PIK3C2A: variants seen among roughly 807,000 people sequenced by gnomAD.
The protein encoded by PIK3C2A is phosphatidylinositol-4-phosphate 3-kinase catalytic subunit type 2 alpha, also known as phosphatidylinositol 4-phosphate 3-kinase C2 domain-containing subunit alpha.
Under a neutral mutation model 204.5 loss-of-function variants are expected in PIK3C2A, and 97 were observed. The ratio of observed to expected loss-of-function variants is 0.47; its 90% CI spans 0.40 to 0.56. The LOEUF (loss-of-function observed/expected upper bound fraction) is 0.56, where lower values mean the gene tolerates loss of function less well. PIK3C2A is among the 20% of genes least tolerant of loss of function. The pLI is 0.00. For missense variants in PIK3C2A, 1,735 were observed against 1,969.2 expected (o/e 0.88, Z 2.25); for synonymous variants, 653 against 664.4 (o/e 0.98, Z 0.26).
chr11:17,192,042 G>A (rs1183424539), intron 1 of PIK3C2A, among the ~76,000 whole-genome samples: 4 of 152,120 alleles, frequency 2.6e-5, no homozygotes, highest in South Asian at 2.1e-4. Context: ...CTAGTCAGGA[G>A]GCTGAGGTGG....
intron 1 of PIK3C2A, among the ~76,000 whole-genome samples, chr11:17,196,799 T>G (rs1591025940): frequency 1.3e-5 from 2 of 152,074 alleles, no homozygotes; most frequent in Non-Finnish European, 2.9e-5. Context: ...CTCGATCTCC[T>G]GACCTCGTGA....
chr11:17,147,511 A>G lies in PIK3C2A; in HGVS notation c.1560+6T>C, dbSNP rs1205833677. On this transcript the variant is annotated splice_donor_region_variant and intron_variant, in intron 6 of 32. Coordinates refer to ENST00000691414, the MANE Select transcript of PIK3C2A (RefSeq NM_002645.4). ...AATGGAATTCAGTTATGAGGTACAC[A>G]CTTACTGTTCGGGCCAGATTTTGAC... 6.8e-7 allele frequency: 1 copy of G among 1,467,418 alleles called. No homozygotes were observed. The allele number at this position is 1,467,418 out of a possible 1,614,324, so 90.9% of individuals were successfully genotyped here. A position where few individuals can be genotyped will look rare whatever the true frequency, so the allele number is the denominator to read the frequency against.
At chr11:17,190,493 C>A (rs1212096980) in intron 1 of PIK3C2A, among the ~76,000 whole-genome samples, 1 of 151,288 alleles carries the variant, frequency 6.6e-6, no homozygotes, top group Admixed American at 6.6e-5. Context: ...ATCACTTGAA[C>A]CCAGGAGGCA....
intron 1 of PIK3C2A, among the ~76,000 whole-genome samples, chr11:17,176,503 G>A (rs1276191069): frequency 3.3e-5 from 5 of 151,918 alleles, no homozygotes; most frequent in African/African-American, 1.2e-4. Flanking sequence ...ATTATGGGCT[G>A]AGTATGGCAG....
At chr11:17,173,179 A>G (rs945254482) in intron 1 of PIK3C2A, among the ~76,000 whole-genome samples, 7 of 152,064 alleles carry the variant, frequency 4.6e-5, no homozygotes, top group African/African-American at 1.2e-4. Flanking sequence ...GTTTTTGCCT[A>G]TCAACATCTT....
At chr11:17,108,233 A>T (rs892305849) in intron 22 of PIK3C2A, among the ~76,000 whole-genome samples, 4 of 152,208 alleles carry the variant, frequency 2.6e-5, no homozygotes, top group African/African-American at 9.7e-5. Flanking sequence ...AACGAACTCA[A>T]CAAATTGAAA....
chr11:17,119,738 T>C (rs1278347689), intron 16 of PIK3C2A, 48 bp downstream of exon 16: 1 of 1,197,496 alleles, frequency 8.4e-7, no homozygotes, highest in African/African-American at 1.6e-5. Flanking sequence ...CATACCTTAC[T>C]GGAAAAACTG....
At chr11:17,109,686 C>T (rs188071095) in intron 22 of PIK3C2A, among the ~76,000 whole-genome samples, 2 of 152,274 alleles carry the variant, frequency 1.3e-5, no homozygotes. Flanking sequence ...ACCCCATCCT[C>T]CAGAGCAGCT....
Position 17,169,203 on chromosome 11 carries a change from G to A in PIK3C2A, c.539C>T (p.Pro180Leu), listed in dbSNP as rs376934220. The A allele has an allele frequency of 5.6e-5, 90 of 1,613,952 alleles. No homozygotes were observed. Among genetic ancestry groups the A allele is most frequent in the Non-Finnish European group, 7.3e-5 (86 of 1,179,984 alleles). ...ACTTAAATATATAGGTTCTGTAGAT[G>A]GAAAAGTGGGCATTCTTGGATTGAA... is the stretch of plus-strand genomic sequence containing the variant. Reference protein sequence around the residue: ...NGFNPRMPTFPSTEPIYLSLP... With the variant: ...NGFNPRMPTFLSTEPIYLSLP... The change falls in exon 2 of 33, where the codon CCA (proline) becomes CTA (leucine). Residue 180 changes from proline (P) to leucine (L), a missense_variant. By Grantham distance (98) the Pro-to-Leu change is moderately conservative. Coordinates refer to ENST00000691414, the MANE Select transcript of PIK3C2A (RefSeq NM_002645.4).
intron 1 of PIK3C2A, among the ~76,000 whole-genome samples, chr11:17,176,557 G>A (rs1263306247): frequency 6.6e-6 from 1 of 151,984 alleles, no homozygotes. Context: ...GAGAGGCCAA[G>A]GCAGGAGCAT....
intron 22 of PIK3C2A, among the ~76,000 whole-genome samples, chr11:17,106,390 C>T (rs1030525188): frequency 2.6e-5 from 4 of 151,958 alleles, no homozygotes; most frequent in Non-Finnish European, 4.4e-5. Flanking sequence ...CCAGCCTGGA[C>T]GACAGCGAGA....
intron 2 of PIK3C2A, among the ~76,000 whole-genome samples, chr11:17,157,776 A>T (rs926059559): frequency 6.6e-6 from 1 of 152,226 alleles, no homozygotes; most frequent in African/African-American, 2.4e-5. Context: ...TACCAATCAC[A>T]TATCAATCAA....
intron 22 of PIK3C2A, among the ~76,000 whole-genome samples, chr11:17,108,399 G>A (rs975484258): frequency 4.6e-5 from 7 of 152,098 alleles, no homozygotes; most frequent in African/African-American, 1.7e-4. Context: ...AGACCAGTTC[G>A]AGGCCGGCCT....
Position 17,101,260 on chromosome 11 carries a change from CT to C in PIK3C2A, c.4008+17del. The stretch of plus-strand genomic sequence containing the variant: ...GCATTAATATAAAACTAATTAAGTG[CT>C]TATAAAGAATAGTTACCAGTGAAAG... On this transcript the variant is annotated intron_variant, in intron 25 of 32. Transcript: ENST00000691414. The C allele has an allele frequency of 7.2e-7, 1 of 1,382,672 alleles. No homozygotes were observed. Among genetic ancestry groups the C allele is most frequent in the Non-Finnish European group, 9.8e-7 (1 of 1,015,854 alleles). 85.7% of individuals were successfully genotyped at this position (1,382,672 alleles called of 1,614,324 possible).
chr11:17,111,466 A>G (rs374666003), intron 21 of PIK3C2A, among the ~76,000 whole-genome samples: 2 of 152,244 alleles, frequency 1.3e-5, no homozygotes, highest in African/African-American at 2.4e-5. Flanking sequence ...TAAAACTTGA[A>G]TAAGTTTTCA....
At chr11:17,189,812 CA>C (rs759869051) in intron 1 of PIK3C2A, among the ~76,000 whole-genome samples, 6,988 of 59,712 alleles carry the variant, frequency 0.12, 74 homozygotes, top group Admixed American at 0.21. Context: ...GGCTCTGTCT[CA>C]AAAAAAAAAA....
At chr11:17,142,376 A>G (rs1183454993) in intron 8 of PIK3C2A, among the ~76,000 whole-genome samples, 1 of 152,182 alleles carries the variant, frequency 6.6e-6, no homozygotes, top group African/African-American at 2.4e-5. Context: ...GGTAGTCAGG[A>G]AGATAAGGAA....
chr11:17,094,426 T>A (rs755134169), intron 27 of PIK3C2A, 41 bp from the exon 28 acceptor site: 1 of 1,560,440 alleles, frequency 6.4e-7, no homozygotes, highest in Non-Finnish European at 8.8e-7. Context: ...AATTTATATT[T>A]AAAACCTTCT....
intron 1 of PIK3C2A, among the ~76,000 whole-genome samples, chr11:17,186,871 G>T (rs923409739): frequency 8.5e-5 from 13 of 152,188 alleles, no homozygotes; most frequent in Non-Finnish European, 1.9e-4. Context: ...TGAAGCCCAG[G>T]AGTTCAAGAC....
Sources: gnomAD v4.1 joint callset for allele counts (sites outside exome capture counted in the v4.1 genomes callset) on GRCh38, gnomAD v4.1.1 for gene constraint, MANE v1.5 for transcripts, NCBI Gene and HGNC (gene_info 2026-07-23, HGNC 2026-07-21) for gene names.